Variants in FAM117B observed in about 807,000 individuals in gnomAD.
FAM117B encodes family with sequence similarity 117 member B, also known as protein FAM117B.
FAM117B carries 22 observed loss-of-function variants against 52.8 expected under a neutral mutation model. That is an observed-to-expected ratio of 0.42 (90% CI 0.30 to 0.59). FAM117B has a LOEUF of 0.59. Among genes scored for constraint, FAM117B ranks in the 20% least tolerant of loss-of-function variants. The probability of loss-of-function intolerance (pLI) is 0.22; values close to 1 mark genes in which losing one functional copy is unlikely to be tolerated. For synonymous variants in FAM117B, 309 were observed against 324.1 expected (o/e 0.95, Z 0.50); for missense variants, 678 against 802.6 (o/e 0.84, Z 1.88).
At chr2:202,652,727 G>T (rs1559094739) in intron 1 of FAM117B, among the ~76,000 whole-genome samples, 2 of 152,088 alleles carry the variant, frequency 1.3e-5, no homozygotes, top group South Asian at 2.1e-4. Flanking sequence ...ATTCTTGGAA[G>T]GTCTACTCCT....
chr2:202,680,248 A>C (rs1242100514), intron 1 of FAM117B, among the ~76,000 whole-genome samples: 1 of 152,120 alleles, frequency 6.6e-6, no homozygotes, highest in East Asian at 1.9e-4. Flanking sequence ...AAGAAGAAGA[A>C]GGAAGAGCCA....
At chr2:202,667,776 T>G (rs1190069408) in intron 1 of FAM117B, among the ~76,000 whole-genome samples, 1 of 152,130 alleles carries the variant, frequency 6.6e-6, no homozygotes, top group African/African-American at 2.4e-5. Context: ...CTGCTAGGTT[T>G]CAGTCTTTGG....
chr2:202,688,652 T>C (rs1690579161), intron 1 of FAM117B, among the ~76,000 whole-genome samples: 1 of 152,180 alleles, frequency 6.6e-6, no homozygotes, highest in Non-Finnish European at 1.5e-5. Context: ...AGTAAAAGTA[T>C]GACTATTTTA....
intron 1 of FAM117B, among the ~76,000 whole-genome samples, chr2:202,640,338 A>G (rs1391310916): frequency 1.8e-5 from 2 of 110,502 alleles, no homozygotes; most frequent in African/African-American, 6.8e-5. Flanking sequence ...ATATATATAT[A>G]TATATGGCAA....
At chr2:202,729,391 T>C (rs1052423346) in intron 4 of FAM117B, among the ~76,000 whole-genome samples, 2 of 152,120 alleles carry the variant, frequency 1.3e-5, no homozygotes, top group Non-Finnish European at 2.9e-5. Context: ...ATAATTTCTA[T>C]TAAGTTATTG....
At chr2:202,736,952 C>T (rs1045739166) in intron 4 of FAM117B, among the ~76,000 whole-genome samples, 2 of 152,130 alleles carry the variant, frequency 1.3e-5, no homozygotes, top group African/African-American at 4.8e-5. Flanking sequence ...CCCTACTCAG[C>T]TACTGCTTAT....
chr2:202,746,669 A>G (rs1438233712), intron 4 of FAM117B, among the ~76,000 whole-genome samples: 1 of 152,168 alleles, frequency 6.6e-6, no homozygotes, highest in Non-Finnish European at 1.5e-5. Flanking sequence ...TCATTGACAC[A>G]TACAGCCTAC....
At position 202,766,774 on chromosome 2, in the gene FAM117B, G is replaced by T. The variant is rs1464441305; in HGVS notation, c.*1010G>T. ...CATCACTGTATCATAGCCCCAAAGAGATCCTGAAATGGCTGTGCATGGATT... is the reference window on the plus strand; with the variant it reads ...CATCACTGTATCATAGCCCCAAAGATATCCTGAAATGGCTGTGCATGGATT... On this transcript the variant is annotated 3_prime_UTR_variant, in exon 8 of 8. Transcript: ENST00000392238. 1 of 152,228 alleles carries T rather than the reference G, an allele frequency of 6.6e-6. No homozygotes were observed. Among genetic ancestry groups the T allele is most frequent in the South Asian group, 2.1e-4 (1 of 4,820 alleles). 9.4% of individuals were successfully genotyped at this position (152,228 alleles called of 1,614,324 possible). A position where few individuals can be genotyped will look rare whatever the true frequency, so the allele number is the denominator to read the frequency against.
chr2:202,664,722 T>C (rs1690176244), intron 1 of FAM117B, among the ~76,000 whole-genome samples: 1 of 152,110 alleles, frequency 6.6e-6, no homozygotes, highest in Admixed American at 6.6e-5. Context: ...TAGTAAGTTA[T>C]TTTGCCCTCA....
At chr2:202,731,174 T>C (rs1011591122) in intron 4 of FAM117B, among the ~76,000 whole-genome samples, 2 of 151,644 alleles carry the variant, frequency 1.3e-5, no homozygotes, top group African/African-American at 4.8e-5. Context: ...AAGGAAGATG[T>C]ACAAATAGCC....
intron 1 of FAM117B, among the ~76,000 whole-genome samples, chr2:202,656,393 T>G (rs1448789058): frequency 1.3e-5 from 2 of 152,278 alleles, no homozygotes; most frequent in Admixed American, 6.5e-5. Flanking sequence ...TGTCACAAAG[T>G]TTGATATGTA....
At chr2:202,708,054 G>A (rs1286280591) in intron 2 of FAM117B, among the ~76,000 whole-genome samples, 1 of 152,104 alleles carries the variant, frequency 6.6e-6, no homozygotes, top group Admixed American at 6.5e-5. Context: ...ACAGGCATAA[G>A]CCACCACGCC....
chr2:202,728,321 T>A (rs960246368), intron 4 of FAM117B, among the ~76,000 whole-genome samples: 1 of 152,158 alleles, frequency 6.6e-6, no homozygotes, highest in Non-Finnish European at 1.5e-5. Context: ...TTCCAGTAAC[T>A]TTTTTCTATA....
At chr2:202,746,609 T>G (rs1194554684) in intron 4 of FAM117B, among the ~76,000 whole-genome samples, 1 of 151,722 alleles carries the variant, frequency 6.6e-6, no homozygotes, top group Non-Finnish European at 1.5e-5. Flanking sequence ...AAGATAAGCG[T>G]GAACAACTAT....
intron 7 of FAM117B, among the ~76,000 whole-genome samples, chr2:202,759,848 C>T (rs1357750688): frequency 2.0e-5 from 3 of 151,670 alleles, no homozygotes; most frequent in East Asian, 1.9e-4. Flanking sequence ...TGAGCCACTG[C>T]GCCTGGCCTA....
At chr2:202,731,500 G>A (rs922354991) in intron 4 of FAM117B, among the ~76,000 whole-genome samples, 1 of 151,294 alleles carries the variant, frequency 6.6e-6, no homozygotes, top group East Asian at 1.9e-4. Context: ...GCGCGACCTT[G>A]GATCATTGTA....
intron 1 of FAM117B, among the ~76,000 whole-genome samples, chr2:202,656,219 A>C (rs1334270541): frequency 6.6e-6 from 1 of 151,950 alleles, no homozygotes; most frequent in Admixed American, 6.6e-5. Context: ...CATTTCATTC[A>C]TCTCTGCTCT....
chr2:202,715,414 C>T (rs1465455762), intron 2 of FAM117B, among the ~76,000 whole-genome samples: 14 of 149,362 alleles, frequency 9.4e-5, no homozygotes, highest in African/African-American at 3.2e-4. Context: ...ACGGGGCGGC[C>T]GGGCAGAGAC....
intron 4 of FAM117B, among the ~76,000 whole-genome samples, chr2:202,728,313 C>G (rs1404801565): frequency 6.6e-6 from 1 of 151,978 alleles, no homozygotes; most frequent in Admixed American, 6.6e-5. Flanking sequence ...ATTATAATTT[C>G]CAGTAACTTT....
Sources: allele counts gnomAD v4.1 joint callset (sites outside exome capture counted in the v4.1 genomes callset), GRCh38; gene constraint gnomAD v4.1.1; transcripts MANE v1.5; gene names NCBI Gene and HGNC (gene_info 2026-07-23, HGNC 2026-07-21).